Variants in CUX1 observed in about 807,000 individuals in gnomAD.
The protein encoded by CUX1 is protein CASP.
CUX1 carries 31 observed loss-of-function variants against 158.8 expected under a neutral mutation model. That is an observed-to-expected ratio of 0.20 (90% CI 0.15 to 0.26). The LOEUF (loss-of-function observed/expected upper bound fraction) is 0.26, where lower values mean the gene tolerates loss of function less well. Among genes scored for constraint, CUX1 ranks in the 10% least tolerant of loss-of-function variants. The pLI is 1.00. For missense variants in CUX1, 1,589 were observed against 2,014.6 expected, an observed-to-expected ratio of 0.79 and a Z score of 4.04; for synonymous variants, 879 against 862.1, an observed-to-expected ratio of 1.02 and a Z score of -0.34.
intron 2 of CUX1, among the ~76,000 whole-genome samples, chr7:101,946,596 G>GGC (rs1163297389): frequency 2.0e-5 from 3 of 151,724 alleles, no homozygotes; most frequent in Non-Finnish European, 4.4e-5. Context: ...GAGGGTCAGT[G>GGC]GCGGTGAAGC....
chr7:102,165,733 G>A (rs1330608038), intron 9 of CUX1, among the ~76,000 whole-genome samples: 1 of 152,148 alleles, frequency 6.6e-6, no homozygotes, highest in East Asian at 1.9e-4. Flanking sequence ...GGGTTGGGGG[G>A]CCCGTGGAAC....
intron 3 of CUX1, among the ~76,000 whole-genome samples, chr7:102,033,720 TAG>T (rs1325976632): frequency 6.6e-6 from 1 of 152,188 alleles, no homozygotes; most frequent in Non-Finnish European, 1.5e-5. Context: ...ATTCATGAAA[TAG>T]AGAGTTCTCA....
At chr7:101,918,998 C>G (rs1029424975) in intron 2 of CUX1, among the ~76,000 whole-genome samples, 5 of 152,274 alleles carry the variant, frequency 3.3e-5, no homozygotes, top group African/African-American at 9.6e-5. Context: ...AGGCTGGTCT[C>G]GAACTCCTGA....
rs907556447 is a variant in CUX1, at chr7:101,863,337, GTTCTTTTTTTTTTTTTTC to G, written c.30+45682_30+45699del. 4.7e-3 allele frequency among the ~76,000 whole-genome samples: 701 copies of G among 150,362 alleles called. 3 individuals are homozygous for G. The highest frequency in any genetic ancestry group is 0.016 in the African/African-American group (643 of 41,088). ...GTTCATGTGTCTTTGTCTTTTGAGAGTTCTTTTTTTTTTTTTTCTTCTTTTTTTTTTGAGATGGAGTCT... is the reference window on the plus strand; with the variant it reads ...GTTCATGTGTCTTTGTCTTTTGAGAGTTCTTTTTTTTTTGAGATGGAGTCT... On this transcript the variant is annotated intron_variant, in intron 1 of 23. Transcript: ENST00000292535.
intron 1 of CUX1, among the ~76,000 whole-genome samples, chr7:101,878,537 A>G (rs898252582): frequency 2.0e-5 from 3 of 152,174 alleles, no homozygotes; most frequent in Admixed American, 6.5e-5. Context: ...GGGTCTGGCA[A>G]AGCTCACCTT....
intron 3 of CUX1, among the ~76,000 whole-genome samples, chr7:102,045,875 C>T (rs1384264811): frequency 1.3e-5 from 2 of 152,196 alleles, no homozygotes; most frequent in African/African-American, 2.4e-5. Flanking sequence ...CCAGGGGACC[C>T]GCTCCAGGGA....
intron 4 of CUX1, among the ~76,000 whole-genome samples, chr7:102,070,766 A>C (rs1461226671): frequency 2.0e-5 from 3 of 152,134 alleles, no homozygotes; most frequent in Non-Finnish European, 4.4e-5. Context: ...CATATTGCCC[A>C]AAGCCACCTT....
Position 101,889,545 on chromosome 7 carries a change from C to T in CUX1, c.31-26570C>T, listed in dbSNP as rs141590066. ...CAACACTTTGGGAGGCCGAGGCCGG[C>T]GGATCACTTGAGGTCAGGGGTTTGA... On this transcript the variant is annotated intron_variant, in intron 1 of 23. Coordinates refer to ENST00000292535, the MANE Select transcript of CUX1 (RefSeq NM_181552.4). Among the ~76,000 whole-genome samples the T allele has an allele frequency of 5.0e-3, 767 of 152,116 alleles. 11 individuals are homozygous for T. Among genetic ancestry groups the T allele is most frequent in the African/African-American group, 0.018 (737 of 41,492 alleles).
In CUX1 at chr7:102,212,296, C is replaced by T. The variant is rs571077055; in HGVS notation, c.3130+7126C>T. On this transcript the variant is annotated intron_variant, in intron 20 of 23. Coordinates refer to ENST00000292535, the MANE Select transcript of CUX1 (RefSeq NM_181552.4). ...TTAGGTTTTGTTTCAAAGCAACAAACGTCGCTGTCATCAAGTGAGCAAGGC... is the reference window on the plus strand; with the variant it reads ...TTAGGTTTTGTTTCAAAGCAACAAATGTCGCTGTCATCAAGTGAGCAAGGC... 4.6e-5 allele frequency among the ~76,000 whole-genome samples: 7 copies of T among 152,292 alleles called. No individual in the cohort carries two copies. The East Asian group carries it at 7.7e-4, about 17-fold the overall frequency.
chr7:101,878,431 C>T (rs1000348064), intron 1 of CUX1, among the ~76,000 whole-genome samples: 7 of 152,158 alleles, frequency 4.6e-5, no homozygotes, highest in Admixed American at 1.3e-4. Flanking sequence ...AAGTCATTGC[C>T]GCTAAGGCTG....
intron 6 of CUX1, among the ~76,000 whole-genome samples, chr7:102,104,955 G>A (rs1219799205): frequency 2.6e-5 from 4 of 152,106 alleles, no homozygotes; most frequent in African/African-American, 7.2e-5. Flanking sequence ...TTTCCCAATC[G>A]GTGGATGGTG....
chr7:102,097,325 C>T (rs782466159), intron 4 of CUX1, 39 bp from the exon 5 acceptor site: 2 of 1,580,730 alleles, frequency 1.3e-6, no homozygotes, highest in African/African-American at 1.4e-5. Flanking sequence ...GGCCTGTTTG[C>T]TGGCCGAGTG....
At chr7:102,079,244 T>C (rs1827098138) in intron 4 of CUX1, among the ~76,000 whole-genome samples, 1 of 152,002 alleles carries the variant, frequency 6.6e-6, no homozygotes, top group Admixed American at 6.6e-5. Context: ...TCAAGACCAG[T>C]GTGACAAACA....
chr7:101,897,035 G>A (rs1801595463), intron 1 of CUX1, among the ~76,000 whole-genome samples: 1 of 152,228 alleles, frequency 6.6e-6, no homozygotes, highest in Non-Finnish European at 1.5e-5. Flanking sequence ...CAACTGTCTT[G>A]AAGGGCAGCC....
intron 1 of CUX1, among the ~76,000 whole-genome samples, chr7:101,885,477 C>A (rs763454182): frequency 1.8e-4 from 27 of 152,124 alleles, no homozygotes; most frequent in South Asian, 8.3e-4. Context: ...GAGGATCCCT[C>A]AAGCCCAGGA....
chr7:102,082,436 G>T lies in CUX1; in HGVS notation c.268+12019G>T, dbSNP rs1202002791. Reference sequence around the variant, plus strand: ...AGCTACTCAGGAGGCTGACGCAGGAGAATTACTTGAACCCAGGAGGTACAG... The same window carrying T: ...AGCTACTCAGGAGGCTGACGCAGGATAATTACTTGAACCCAGGAGGTACAG... On this transcript the variant is annotated intron_variant, in intron 4 of 23. Transcript: ENST00000292535. 3.1e-4 allele frequency among the ~76,000 whole-genome samples: 46 copies of T among 147,006 alleles called. 2 individuals are homozygous for T. Among genetic ancestry groups the T allele is most frequent in the African/African-American group, 1.1e-3 (46 of 41,062 alleles).
chr7:102,198,452 T>C (rs1384575792), intron 15 of CUX1, among the ~76,000 whole-genome samples: 3 of 152,222 alleles, frequency 2.0e-5, no homozygotes, highest in African/African-American at 7.2e-5. Flanking sequence ...TTTATGAGGA[T>C]GTTAACCGAA....
At position 101,826,545 on chromosome 7, in the gene CUX1, G is replaced by A. The variant is rs1056140504; in HGVS notation, c.30+8876G>A. ...ATTCCTTTTTCTTTTGCCCCTGTGT[G>A]CCCGGCAGTAGTGATGGAGACTTAA... On this transcript the variant is annotated intron_variant, in intron 1 of 23. Transcript: ENST00000292535. 2.6e-5 allele frequency among the ~76,000 whole-genome samples: 4 copies of A among 152,142 alleles called. No individual in the cohort carries two copies. In the East Asian group the frequency reaches 7.7e-4, roughly 29 times the overall value.
At chr7:102,140,964 C>T (rs1412505803) in intron 8 of CUX1, among the ~76,000 whole-genome samples, 4 of 151,618 alleles carry the variant, frequency 2.6e-5, no homozygotes, top group Non-Finnish European at 5.9e-5. Context: ...TTTTTCGCTA[C>T]GTCTAAGTAT....
Sources: gnomAD v4.1 joint callset for allele counts (sites outside exome capture counted in the v4.1 genomes callset) on GRCh38, gnomAD v4.1.1 for gene constraint, MANE v1.5 for transcripts, NCBI Gene and HGNC (gene_info 2026-07-23, HGNC 2026-07-21) for gene names.